FAAH2: variants seen among roughly 807,000 people sequenced by gnomAD.
FAAH2 encodes the protein fatty-acid amide hydrolase 2.
FAAH2 carries 60 observed loss-of-function variants against 36.9 expected under a neutral mutation model. The observed-to-expected ratio is 1.63, with a 90% CI of 1.32 to 2.02. The LOEUF (loss-of-function observed/expected upper bound fraction) is 2.02. Among genes scored for constraint, FAAH2 ranks in the 30% most tolerant of loss-of-function variants. The pLI, the probability that FAAH2 is intolerant of heterozygous loss-of-function variation, is 0.00. For missense variants in FAAH2, 689 were observed against 397.5 expected, an observed-to-expected ratio of 1.73 and a Z score of -6.23; for synonymous variants, 214 against 143.8, an observed-to-expected ratio of 1.49 and a Z score of -3.49.
intron 5 of FAAH2, among the ~76,000 whole-genome samples, chrX:57,360,158 G>T (rs2054254235): frequency 1.8e-5 from 2 of 109,610 alleles, no homozygotes; most frequent in Non-Finnish European, 3.8e-5. Context: ...AATTTGTCTT[G>T]GTATGAGTCT....
the FAAH2 span, among the ~76,000 whole-genome samples, chrX:57,159,446 A>G: frequency 4.7e-4 from 52 of 111,487 alleles, no homozygotes; most frequent in Non-Finnish European, 8.8e-4. Flanking sequence ...GGCCATTTTC[A>G]TGATATTGAT....
At chrX:57,217,557 G>A in the FAAH2 span, among the ~76,000 whole-genome samples, 4 of 111,516 alleles carry the variant, frequency 3.6e-5, no homozygotes, top group East Asian at 1.1e-3. Flanking sequence ...CCCACTTTAT[G>A]CTTTTATTTG....
At chrX:57,405,228 T>G (rs1455299055) in intron 7 of FAAH2, among the ~76,000 whole-genome samples, 1 of 111,220 alleles carries the variant, frequency 9.0e-6, no homozygotes, top group Non-Finnish European at 1.9e-5. Flanking sequence ...CTCCCAGAGC[T>G]CCCAAGATGG....
the FAAH2 span, among the ~76,000 whole-genome samples, chrX:57,204,772 T>C: frequency 8.0e-5 from 9 of 112,494 alleles, no homozygotes; most frequent in Non-Finnish European, 1.5e-4. Context: ...TAGATTCAAT[T>C]GCATATGGGG....
At chrX:57,305,190 G>C (rs780554379) in intron 2 of FAAH2, among the ~76,000 whole-genome samples, 2 of 110,281 alleles carry the variant, frequency 1.8e-5, no homozygotes, top group South Asian at 7.8e-4. Context: ...CTGCAGCCCA[G>C]ACCTTTCCTC....
At chrX:57,278,358 G>A in the FAAH2 span, among the ~76,000 whole-genome samples, 1 of 111,621 alleles carries the variant, frequency 9.0e-6, no homozygotes, top group Non-Finnish European at 1.9e-5. Context: ...ATGGTGTTGG[G>A]AAAACTGTCT....
intron 7 of FAAH2, among the ~76,000 whole-genome samples, chrX:57,404,091 A>C (rs1377412851): frequency 8.9e-6 from 1 of 112,270 alleles, no homozygotes; most frequent in Non-Finnish European, 1.9e-5. Context: ...GGCCATCCAC[A>C]GGTTCCTGGG....
chrX:57,457,738 C>A (rs1189891949), intron 10 of FAAH2, among the ~76,000 whole-genome samples: 1 of 102,466 alleles, frequency 9.8e-6, no homozygotes, highest in African/African-American at 3.5e-5. Context: ...ACCCATCTAA[C>A]CAATGAGGTA....
At chrX:57,155,088 A>C in the FAAH2 span, among the ~76,000 whole-genome samples, 2 of 111,883 alleles carry the variant, frequency 1.8e-5, no homozygotes, top group African/African-American at 6.5e-5. Context: ...TGGGGATGGC[A>C]GGAGAGTTAA....
intron 5 of FAAH2, among the ~76,000 whole-genome samples, chrX:57,349,300 TATAC>T (rs1415071751): frequency 3.7e-4 from 36 of 96,618 alleles, no homozygotes; most frequent in Admixed American, 6.2e-4. Context: ...TATACACAGA[TATAC>T]ATACATACAT....
chrX:57,220,437 A>T, the FAAH2 span, among the ~76,000 whole-genome samples: 7 of 110,057 alleles, frequency 6.4e-5, no homozygotes, highest in East Asian at 1.4e-3. Context: ...TCCCCTTCAA[A>T]CCCTCAGAAG....
At position 57,440,407 on chromosome X, in the gene FAAH2, G is replaced by GTT. The variant is rs2056523938; in HGVS notation, c.1117-6517_1117-6516dup. On this transcript the variant is annotated intron_variant, in intron 8 of 10. Coordinates refer to ENST00000374900, the MANE Select transcript of FAAH2 (RefSeq NM_174912.4). The stretch of plus-strand genomic sequence containing the variant: ...TCACGATTTGGCTCTCTGATTGTCT[G>GTT]TTTTTGGTGTATAGGAATGCTTGTG... Among the ~76,000 whole-genome samples the GTT allele has an allele frequency of 2.7e-5, 3 of 110,861 alleles. No homozygotes were observed. The Admixed American group carries it at 2.9e-4, about 11-fold the overall frequency.
intron 5 of FAAH2, among the ~76,000 whole-genome samples, chrX:57,356,895 C>T (rs1482169830): frequency 9.1e-6 from 1 of 110,491 alleles, no homozygotes; most frequent in Non-Finnish European, 1.9e-5. Flanking sequence ...ACCTATCCAC[C>T]CGCTAGCTAC....
intron 3 of FAAH2, among the ~76,000 whole-genome samples, chrX:57,316,781 A>G (rs912919359): frequency 4.5e-5 from 5 of 110,707 alleles, no homozygotes; most frequent in Non-Finnish European, 9.5e-5. Context: ...TGAGATGAAA[A>G]CCTAAGAAAT....
At chrX:57,394,707 G>C in intron 7 of FAAH2, 1 of 881,334 alleles carries the variant, frequency 1.1e-6, no homozygotes, top group Non-Finnish European at 1.7e-6. Context: ...GGACATAATT[G>C]ATTCCACAGT....
intron 7 of FAAH2, among the ~76,000 whole-genome samples, chrX:57,420,210 T>TAACCAAAAAA (rs2055976393): frequency 9.8e-6 from 1 of 101,982 alleles, no homozygotes; most frequent in Non-Finnish European, 2.0e-5. Flanking sequence ...GGGCTCTTTT[T>TAACCAAAAAA]TGGTTCCATA....
At chrX:57,322,379 G>T (rs1304136302) in intron 3 of FAAH2, among the ~76,000 whole-genome samples, 1 of 111,734 alleles carries the variant, frequency 8.9e-6, no homozygotes, top group Non-Finnish European at 1.9e-5. Context: ...TTGTTAGTTT[G>T]CTGGACTTCC....
intron 5 of FAAH2, among the ~76,000 whole-genome samples, chrX:57,354,205 G>T (rs183716798): frequency 2.7e-3 from 305 of 110,972 alleles, no homozygotes; most frequent in African/African-American, 9.4e-3. Context: ...ATCAACATAT[G>T]ATTGGATAAA....
chrX:57,474,563 A>G (rs761873287), intron 10 of FAAH2, among the ~76,000 whole-genome samples: 12 of 112,059 alleles, frequency 1.1e-4, no homozygotes, highest in Non-Finnish European at 2.3e-4. Flanking sequence ...GCTGCATAGT[A>G]TTCCATGATA....
Sources: allele counts gnomAD v4.1 joint callset (sites outside exome capture counted in the v4.1 genomes callset), GRCh38; gene constraint gnomAD v4.1.1; transcripts MANE v1.5; gene names NCBI Gene and HGNC (gene_info 2026-07-23, HGNC 2026-07-21).